The following SSUH2 variants were observed in gnomAD, a reference collection of about 807,000 sequenced individuals.
The protein encoded by SSUH2 is protein SSUH2 homolog.
In SSUH2, 47 loss-of-function variants were observed where a neutral mutation model predicts 55.3. The ratio of observed to expected loss-of-function variants is 0.85; its 90% CI spans 0.67 to 1.08. The LOEUF (loss-of-function observed/expected upper bound fraction) is 1.08, where lower values mean the gene tolerates loss of function less well. Ranked by LOEUF, SSUH2 falls within the 50% of genes least tolerant of loss-of-function variation. The pLI, the probability that SSUH2 is intolerant of heterozygous loss-of-function variation, is 0.00. For missense variants in SSUH2, 535 were observed against 490.7 expected, an observed-to-expected ratio of 1.09 and a Z score of -0.85; for synonymous variants, 212 against 191.5, an observed-to-expected ratio of 1.11 and a Z score of -0.89.
chr3:8,648,723 C>T (rs1254283982), upstream of SSUH2, among the ~76,000 whole-genome samples: 1 of 152,150 alleles, frequency 6.6e-6, no homozygotes, highest in Admixed American at 6.5e-5. Context: ...GCTGAGGCCC[C>T]TCTTGGAAGG....
At chr3:8,661,172 G>A (rs1232540046) in intron 6 of SSUH2, among the ~76,000 whole-genome samples, 1 of 152,136 alleles carries the variant, frequency 6.6e-6, no homozygotes, top group African/African-American at 2.4e-5. Flanking sequence ...TAAGTAACCA[G>A]GCACTGTCCC....
upstream of SSUH2, among the ~76,000 whole-genome samples, chr3:8,649,371 C>T (rs1467883648): frequency 6.6e-6 from 1 of 152,142 alleles, no homozygotes. Flanking sequence ...CTCCCCTGAT[C>T]TCTAAATATC....
Position 8,678,691 on chromosome 3 carries a change from C to T in SSUH2, c.-901+1014G>A, listed in dbSNP as rs557555802. Among the ~76,000 whole-genome samples, 4 of 43,462 alleles carry T rather than the reference C, an allele frequency of 9.2e-5. 1 individual carries two copies. The highest frequency in any genetic ancestry group is 3.1e-4 in the African/African-American group (4 of 12,770). 28.5% of individuals were successfully genotyped at this position (43,462 alleles called of 152,430 possible). A position where few individuals can be genotyped will look rare whatever the true frequency, so the allele number is the denominator to read the frequency against. ...CGAGGCGGGGATTGAGAGCCAGCCA[C>T]TCTTCCCCTCCTGGGTCTTAGGACC... is the stretch of plus-strand genomic sequence containing the variant. On this transcript the variant is annotated intron_variant, in intron 2 of 18. Coordinates refer to the SSUH2 transcript ENST00000317371.
upstream of SSUH2, among the ~76,000 whole-genome samples, chr3:8,646,923 C>T (rs552763550): frequency 6.6e-6 from 1 of 152,344 alleles, no homozygotes; most frequent in South Asian, 2.1e-4. Flanking sequence ...AACTGGCCCT[C>T]GTGTCCTGCA....
At chr3:8,632,163 A>G (rs1178142729) in intron 4 of SSUH2, 54 bp from the exon 5 acceptor site, 5 of 1,484,364 alleles carry the variant, frequency 3.4e-6, no homozygotes, top group Non-Finnish European at 4.7e-6. Flanking sequence ...AAGACAGAGC[A>G]TTATGCAAAA....
chr3:8,621,910 T>C (rs1185487292), intron 11 of SSUH2, among the ~76,000 whole-genome samples: 3 of 152,248 alleles, frequency 2.0e-5, no homozygotes, highest in Admixed American at 2.0e-4. Flanking sequence ...ATGGAGAGCA[T>C]GGCAATACCA....
In SSUH2 at chr3:8,635,282, G is replaced by A; in HGVS notation, c.209+18C>T. 6.5e-7 allele frequency: 1 copy of A among 1,528,912 alleles called. No homozygotes were observed. The highest frequency in any genetic ancestry group is 2.4e-5 in the East Asian group (1 of 40,824). The allele number at this position is 1,528,912 out of a possible 1,614,324, so 94.7% of individuals were successfully genotyped here. A position where few individuals can be genotyped will look rare whatever the true frequency, so the allele number is the denominator to read the frequency against. ...CATAGGAAATGCACACAGTCACAGA[G>A]TACAACCTGAAACTCACCTGTGTTC... On this transcript the variant is annotated intron_variant, in intron 3 of 11. Transcript: ENST00000544814.
rs116524521 is a variant in SSUH2 at position 8,634,359 on chromosome 3, C to G, written c.210-564G>C. 3.8e-4 allele frequency: 491 copies of G among 1,287,542 alleles called. 1 individual carries two copies. The African/African-American group carries it at 6.9e-3, about 18-fold the overall frequency. 79.8% of individuals were successfully genotyped at this position (1,287,542 alleles called of 1,614,324 possible). On this transcript the variant is annotated intron_variant, in intron 3 of 11. Transcript: ENST00000544814. ...CTCTTTCTGCATGCCTCCCCCTCCTCCTGGAAGTCCCTTCCCTGAGGCCAT... is the reference window on the plus strand; with the variant it reads ...CTCTTTCTGCATGCCTCCCCCTCCTGCTGGAAGTCCCTTCCCTGAGGCCAT...
chr3:8,630,972 A>G (rs1698657635), intron 5 of SSUH2, 43 bp from the exon 6 acceptor site: 20 of 1,335,140 alleles, frequency 1.5e-5, no homozygotes, highest in Non-Finnish European at 1.9e-5. Flanking sequence ...GAAGGGCAGC[A>G]GGGATAAACT....
chr3:8,681,312 C>G (rs1308486122), intron 1 of SSUH2, among the ~76,000 whole-genome samples: 2 of 149,346 alleles, frequency 1.3e-5, no homozygotes, highest in Non-Finnish European at 3.0e-5. Flanking sequence ...TTTGGACCAC[C>G]ATCGCGGGGG....
Position 8,650,514 on chromosome 3 carries a change from A to T in SSUH2, c.-307+8411T>A, listed in dbSNP as rs911995249. ...GACTTCTAAACAGTTTTCTCCAAAG[A>T]TAAGCTTTGTTCCAACTGTGGGGAA... On this transcript the variant is annotated intron_variant, in intron 7 of 18. Coordinates refer to the SSUH2 transcript ENST00000317371. Among the ~76,000 whole-genome samples, 3 of 152,222 alleles carry T rather than the reference A, an allele frequency of 2.0e-5. No individual in the cohort carries two copies. In the South Asian group the frequency reaches 6.2e-4, roughly 31 times the overall value.
At chr3:8,678,152 T>TG (rs973520976) in intron 2 of SSUH2, among the ~76,000 whole-genome samples, 7 of 152,184 alleles carry the variant, frequency 4.6e-5, no homozygotes, top group South Asian at 2.1e-4. Context: ...ACAACATCCC[T>TG]GGGGGTTTCC....
At chr3:8,649,648 T>C (rs116606691), upstream of SSUH2, among the ~76,000 whole-genome samples, 1,606 of 152,202 alleles carry the variant, frequency 0.011, 36 homozygotes, top group African/African-American at 0.037. Context: ...GCATTCAATG[T>C]CAGCAAGTCA....
intron 11 of SSUH2, among the ~76,000 whole-genome samples, chr3:8,622,136 A>G (rs1294296335): frequency 6.6e-6 from 1 of 152,184 alleles, no homozygotes; most frequent in African/African-American, 2.4e-5. Flanking sequence ...TTAGCCAGCT[A>G]TGTCCTCATG....
chr3:8,675,904 C>T (rs1705199712), intron 3 of SSUH2, among the ~76,000 whole-genome samples: 1 of 152,120 alleles, frequency 6.6e-6, no homozygotes, highest in Non-Finnish European at 1.5e-5. Context: ...GACTTTTAAC[C>T]CAAACTGTGG....
chr3:8,666,537 C>A (rs1343198031), intron 5 of SSUH2, among the ~76,000 whole-genome samples: 1 of 152,058 alleles, frequency 6.6e-6, no homozygotes, highest in Non-Finnish European at 1.5e-5. Context: ...CTGGAAGGTG[C>A]GTGTGTTGGG....
rs755706069 is a variant in SSUH2, at chr3:8,633,701, C to T, written c.304G>A (p.Val102Ile). 16 of 1,538,492 alleles carry T rather than the reference C, an allele frequency of 1.0e-5. No homozygotes were observed. The highest frequency in any genetic ancestry group is 1.2e-5 in the Non-Finnish European group (14 of 1,143,038). The change falls in exon 4 of 12, where the codon GTC becomes ATC. Residue 102 changes from valine (V) to isoleucine (I), a missense_variant. By Grantham distance (29) the Val-to-Ile change is conservative. Coordinates refer to ENST00000544814, the MANE Select transcript of SSUH2 (RefSeq NM_001256748.3). ...GTCTGCCGCTTCAGCTCCTGGATGA[C>T]GAGGTCTCCAGCCACCGTGCTGCTG... is the stretch of plus-strand genomic sequence containing the variant. ...CYSSTVAGDLVIQELKRQTLC... is the reference protein window; with the variant it reads ...CYSSTVAGDLIIQELKRQTLC...
In SSUH2 at chr3:8,669,874, G is replaced by A. The variant is rs199610156; in HGVS notation, c.-455+1124C>T. Reference sequence around the variant, plus strand: ...GAACTGTCACAGATCGGAGGAGAACGGGGGACATGGGACTCAATGTAATGT... The same window carrying A: ...GAACTGTCACAGATCGGAGGAGAACAGGGGACATGGGACTCAATGTAATGT... On this transcript the variant is annotated intron_variant, in intron 5 of 18. Coordinates refer to the SSUH2 transcript ENST00000317371. Among the ~76,000 whole-genome samples, 4 of 25,628 alleles carry A rather than the reference G, an allele frequency of 1.6e-4. No individual in the cohort carries two copies. In the Admixed American group the frequency reaches 2.0e-3, roughly 13 times the overall value. 16.8% of individuals were successfully genotyped at this position (25,628 alleles called of 152,430 possible).
intron 1 of SSUH2, among the ~76,000 whole-genome samples, chr3:8,638,634 G>A (rs951382988): frequency 6.6e-6 from 1 of 152,166 alleles, no homozygotes; most frequent in African/African-American, 2.4e-5. Context: ...GCAAAACAGA[G>A]CAGTTGATAT....
Sources: allele counts gnomAD v4.1 joint callset (sites outside exome capture counted in the v4.1 genomes callset), GRCh38; gene constraint gnomAD v4.1.1; transcripts MANE v1.5; gene names NCBI Gene and HGNC (gene_info 2026-07-23, HGNC 2026-07-21).